The following TRPM2 variants were observed in gnomAD, a reference collection of about 807,000 sequenced individuals.
TRPM2 encodes the protein estrogen-responsive element-associated gene 1 protein.
A neutral mutation model predicts 174.0 loss-of-function variants in TRPM2; 161 were observed. The ratio of observed to expected loss-of-function variants is 0.93; its 90% CI spans 0.81 to 1.05. The LOEUF (loss-of-function observed/expected upper bound fraction) is 1.05, where lower values mean the gene tolerates loss of function less well. TRPM2 is among the 50% of genes least tolerant of loss of function. TRPM2 has a pLI of 0.00. For synonymous variants in TRPM2, 954 were observed against 861.3 expected (o/e 1.11, Z -1.88); for missense variants, 2,057 against 2,038.0 (o/e 1.01, Z -0.18).
intron 16 of TRPM2, among the ~76,000 whole-genome samples, chr21:44,403,341 C>A (rs1447876167): frequency 3.3e-5 from 5 of 152,166 alleles, no homozygotes; most frequent in African/African-American, 1.2e-4. Context: ...ATGGGGGCTC[C>A]CACAGCCCCT....
intron 25 of TRPM2, 28 bp from the exon 26 acceptor site, chr21:44,426,632 T>C: frequency 6.2e-7 from 1 of 1,613,430 alleles, no homozygotes; most frequent in East Asian, 2.2e-5. Context: ...GGTAAAAATC[T>C]GAGGGAAAAC....
chr21:44,351,772 G>A (rs2047929427), upstream of TRPM2, among the ~76,000 whole-genome samples: 1 of 152,200 alleles, frequency 6.6e-6, no homozygotes, highest in Admixed American at 6.5e-5. Flanking sequence ...TGCTCACAGG[G>A]GCTCCTGGCT....
chr21:44,436,109 A>C (rs1344191308), intron 28 of TRPM2, among the ~76,000 whole-genome samples: 2 of 151,542 alleles, frequency 1.3e-5, no homozygotes, highest in East Asian at 3.9e-4. Flanking sequence ...ACAGCTCCAC[A>C]CTCACCCCCT....
Position 44,378,677 on chromosome 21 carries a change from C to T in TRPM2, c.1015-320C>T, listed in dbSNP as rs112317766. ...CTCTTACTGTGGGCTTTTATGAGGT[C>T]GGTAACTCCAGGTCCATGCAGCGTC... On this transcript the variant is annotated intron_variant, in intron 7 of 31. Transcript: ENST00000397928. Among the ~76,000 whole-genome samples, 725 of 152,258 alleles carry T rather than the reference C, an allele frequency of 4.8e-3. 8 individuals are homozygous for T. Among genetic ancestry groups the T allele is most frequent in the African/African-American group, 0.016 (672 of 41,550 alleles).
At chr21:44,377,809 C>T (rs747288166) in intron 7 of TRPM2, 36 bp downstream of exon 7, 5 of 1,611,172 alleles carry the variant, frequency 3.1e-6, no homozygotes, top group Non-Finnish European at 4.2e-6. Context: ...CATGTGTGGG[C>T]CCGTCCTGCT....
chr21:44,352,413 C>T (rs2123001221), upstream of TRPM2, among the ~76,000 whole-genome samples: 30 of 152,344 alleles, frequency 2.0e-4, no homozygotes, highest in Admixed American at 5.2e-4. Context: ...AGCCCGGCAC[C>T]GAGCTTCGAG....
rs1474507783 is a variant in TRPM2, at chr21:44,439,937, G to T, written c.4269+769G>T. Among the ~76,000 whole-genome samples, 1 of 151,944 alleles carries T rather than the reference G, an allele frequency of 6.6e-6. No homozygotes were observed. Among genetic ancestry groups the T allele is most frequent in the Non-Finnish European group, 1.5e-5 (1 of 67,980 alleles). Reference sequence around the variant, plus strand: ...AGGGTTTGGCCATGTTGCCCAGGCTGGTCATGAACTGGGCTCAAGCGATCT... The same window carrying T: ...AGGGTTTGGCCATGTTGCCCAGGCTTGTCATGAACTGGGCTCAAGCGATCT... On this transcript the variant is annotated intron_variant, in intron 30 of 31. Transcript: ENST00000397928. The surrounding 1 kb of genome is among the most constrained non-coding windows in gnomAD (Gnocchi z 5.1).
chr21:44,386,245 C>G (rs990209480), intron 9 of TRPM2, among the ~76,000 whole-genome samples: 1 of 151,994 alleles, frequency 6.6e-6, no homozygotes, highest in South Asian at 2.1e-4. Context: ...ATTAGCTGGG[C>G]GTGGTGGCGA....
At chr21:44,428,093 G>A (rs10470243) in intron 27 of TRPM2, among the ~76,000 whole-genome samples, 3,278 of 152,264 alleles carry the variant, frequency 0.022, 131 homozygotes, top group African/African-American at 0.075. Flanking sequence ...TAGTAGTGCA[G>A]AAGAGCACTT....
intron 22 of TRPM2, chr21:44,422,290 G>A: frequency 1.3e-6 from 2 of 1,536,094 alleles, no homozygotes; most frequent in Admixed American, 2.0e-5. Flanking sequence ...GAGCTTTGGG[G>A]GTCAAGGACA....
intron 24 of TRPM2, chr21:44,425,434 G>A: frequency 2.2e-6 from 1 of 459,028 alleles, no homozygotes; most frequent in East Asian, 3.3e-5. Context: ...GGCCCTGACT[G>A]CCGCTGCACA....
At chr21:44,363,729 G>A (rs1369515512) in intron 2 of TRPM2, among the ~76,000 whole-genome samples, 1 of 152,128 alleles carries the variant, frequency 6.6e-6, no homozygotes, top group Non-Finnish European at 1.5e-5. Flanking sequence ...GTTAAAACTA[G>A]TGATGTTTGA....
chr21:44,412,679 G>C (rs1181583091), intron 19 of TRPM2, among the ~76,000 whole-genome samples: 1 of 151,800 alleles, frequency 6.6e-6, no homozygotes, highest in African/African-American at 2.4e-5. Context: ...CACTGGGTAT[G>C]ATGTTAGCTG....
intron 27 of TRPM2, among the ~76,000 whole-genome samples, chr21:44,433,276 G>A (rs986239225): frequency 6.6e-6 from 1 of 152,244 alleles, no homozygotes; most frequent in African/African-American, 2.4e-5. Context: ...TCCTGTGGGG[G>A]TGGACTCATG....
chr21:44,424,805 G>C (rs1284059688), intron 23 of TRPM2, 47 bp from the exon 24 acceptor site: 2 of 1,379,472 alleles, frequency 1.4e-6, no homozygotes, highest in Non-Finnish European at 2.0e-6. Context: ...TGTGTACCAT[G>C]CGTGTGGGTG....
At chr21:44,421,211 G>A (rs1601222781) in intron 22 of TRPM2, among the ~76,000 whole-genome samples, 1 of 152,184 alleles carries the variant, frequency 6.6e-6, no homozygotes, top group East Asian at 1.9e-4. Context: ...CCAGCTACTT[G>A]GGAGGCTGAG....
intron 22 of TRPM2, chr21:44,423,375 CCT>C: frequency 2.1e-6 from 1 of 465,974 alleles, no homozygotes; most frequent in South Asian, 2.3e-5. Context: ...AGTTCACTCA[CCT>C]CCCCCTCTCT....
At chr21:44,418,970 G>A (rs771224452) in intron 22 of TRPM2, among the ~76,000 whole-genome samples, 2 of 152,170 alleles carry the variant, frequency 1.3e-5, no homozygotes. Context: ...CCAGCCCTCG[G>A]GGTCAGCCAT....
chr21:44,420,895 T>C (rs1161500080), intron 22 of TRPM2, among the ~76,000 whole-genome samples: 1 of 152,104 alleles, frequency 6.6e-6, no homozygotes, highest in African/African-American at 2.4e-5. Flanking sequence ...CTTTTACCCA[T>C]GAGGAAGTGG....
Sources: allele counts gnomAD v4.1 joint callset (sites outside exome capture counted in the v4.1 genomes callset), GRCh38; gene constraint gnomAD v4.1.1; non-coding constraint Gnocchi (gnomAD v3.1); transcripts MANE v1.5; gene names NCBI Gene and HGNC (gene_info 2026-07-23, HGNC 2026-07-21).